The following GNG2 variants were observed in gnomAD, a reference collection of about 807,000 sequenced individuals.
The protein encoded by GNG2 is guanine nucleotide-binding protein G(I)/G(S)/G(O) subunit gamma-2.
In GNG2, 5 loss-of-function variants were observed where a neutral mutation model predicts 5.5. The observed-to-expected ratio is 0.91, with a 90% CI of 0.48 to 1.92. The LOEUF (loss-of-function observed/expected upper bound fraction) is 1.92, where lower values mean the gene tolerates loss of function less well. GNG2 is among the 30% of genes most tolerant of loss of function. The pLI, the probability that GNG2 is intolerant of heterozygous loss-of-function variation, is 0.01. For missense variants in GNG2, 55 were observed against 88.4 expected (o/e 0.62, Z 1.52); for synonymous variants, 28 against 32.0 (o/e 0.88, Z 0.42).
chr14:51,873,199 A>G (rs898550888), intron 1 of GNG2, among the ~76,000 whole-genome samples: 2 of 152,224 alleles, frequency 1.3e-5, no homozygotes, highest in African/African-American at 4.8e-5. Context: ...CAGTTATGAT[A>G]CTAGGCACAA....
intron 2 of GNG2, among the ~76,000 whole-genome samples, chr14:51,843,526 G>A (rs1881542587): frequency 6.6e-6 from 1 of 151,778 alleles, no homozygotes; most frequent in Non-Finnish European, 1.5e-5. Context: ...CATGGCATAT[G>A]TATACCTATG....
At chr14:51,882,791 C>T (rs750168013) in intron 2 of GNG2, among the ~76,000 whole-genome samples, 3 of 151,880 alleles carry the variant, frequency 2.0e-5, no homozygotes, top group Non-Finnish European at 4.4e-5. Flanking sequence ...AGGCGGATCA[C>T]GAGGTCAGGA....
chr14:51,966,809 C>G lies in GNG2; in HGVS notation c.*122C>G. ...AGAGCGAGGAGAACCATTCTGGAAA[C>G]TCTAGGCTATGCATGTTTAAAGATC... On this transcript the variant is annotated 3_prime_UTR_variant, in exon 4 of 4. Transcript: ENST00000556766. 1.2e-6 allele frequency: 1 copy of G among 813,542 alleles called. No individual in the cohort carries two copies. Among genetic ancestry groups the G allele is most frequent in the Non-Finnish European group, 2.0e-6 (1 of 494,592 alleles). The allele number at this position is 813,542 out of a possible 1,614,324, so 50.4% of individuals were successfully genotyped here. A position where few individuals can be genotyped will look rare whatever the true frequency, so the allele number is the denominator to read the frequency against.
At chr14:51,899,455 C>A (rs1885410508) in intron 2 of GNG2, among the ~76,000 whole-genome samples, 1 of 152,156 alleles carries the variant, frequency 6.6e-6, no homozygotes, top group Non-Finnish European at 1.5e-5. Flanking sequence ...GGTAAAATAC[C>A]TGTAGCATAA....
At chr14:51,871,130 T>C (rs1385598089) in intron 1 of GNG2, among the ~76,000 whole-genome samples, 1 of 152,178 alleles carries the variant, frequency 6.6e-6, no homozygotes, top group African/African-American at 2.4e-5. Flanking sequence ...AAGGCTTTAT[T>C]TGGGAGAATT....
chr14:51,887,559 A>G (rs1280502350), intron 2 of GNG2, among the ~76,000 whole-genome samples: 1 of 152,226 alleles, frequency 6.6e-6, no homozygotes, highest in East Asian at 1.9e-4. Flanking sequence ...GCTATCCTAA[A>G]GCATCAACCT....
chr14:51,847,875 CTTTT>C (rs1555348001), intron 2 of GNG2, among the ~76,000 whole-genome samples: 1 of 66,148 alleles, frequency 1.5e-5, no homozygotes, highest in African/African-American at 4.4e-5. Flanking sequence ...AATACAGGTC[CTTTT>C]TCTTTTTTTT....
intron 3 of GNG2, among the ~76,000 whole-genome samples, chr14:51,961,103 A>T (rs1009860324): frequency 6.6e-6 from 1 of 152,134 alleles, no homozygotes; most frequent in African/African-American, 2.4e-5. Context: ...TGTAGAATTT[A>T]TCTTATCTCC....
At chr14:51,902,163 A>T (rs1885610786) in intron 2 of GNG2, among the ~76,000 whole-genome samples, 1 of 152,092 alleles carries the variant, frequency 6.6e-6, no homozygotes, top group African/African-American at 2.4e-5. Flanking sequence ...TAATTATTAA[A>T]TATTTTTATT....
chr14:51,917,194 G>A, intron 2 of GNG2: 1 of 366,564 alleles, frequency 2.7e-6, no homozygotes, highest in South Asian at 2.0e-5. Flanking sequence ...TCTCATTTCT[G>A]AAATTTCTTC....
rs1380083858 is a variant in GNG2, at chr14:51,843,589, A to C, written c.64+15782A>C. Among the ~76,000 whole-genome samples the C allele has an allele frequency of 9.5e-4, 5 of 5,276 alleles. No homozygotes were observed. In the Non-Finnish European group the frequency reaches 0.033, roughly 35 times the overall value. 3.5% of individuals were successfully genotyped at this position (5,276 alleles called of 152,430 possible). A position where few individuals can be genotyped will look rare whatever the true frequency, so the allele number is the denominator to read the frequency against. On this transcript the variant is annotated intron_variant, in intron 2 of 3. Coordinates refer to the GNG2 transcript ENST00000553432. ...CAGAACTTAAAGTTAAAAAAAAAAA[A>C]AACTCAAATATTTTGAGTGTGTCCA... is the stretch of plus-strand genomic sequence containing the variant.
intron 2 of GNG2, among the ~76,000 whole-genome samples, chr14:51,941,400 G>A (rs1416508270): frequency 6.6e-6 from 1 of 152,190 alleles, no homozygotes; most frequent in African/African-American, 2.4e-5. Context: ...CCTCCAATTT[G>A]TATTCTAGAC....
chr14:51,881,970 G>A lies in GNG2; in HGVS notation c.-30+4313G>A, dbSNP rs539152195. ...TCCTGGTTTCATTTTGCTAAGACTC[G>A]CCTCATTTCAGCTTCAAATCTTTAC... is the stretch of plus-strand genomic sequence containing the variant. On this transcript the variant is annotated intron_variant, in intron 2 of 3. Coordinates refer to ENST00000556766, the MANE Select transcript of GNG2 (RefSeq NM_053064.5). Among the ~76,000 whole-genome samples the A allele has an allele frequency of 2.9e-3, 440 of 151,970 alleles. 2 individuals carry two copies. The highest frequency in any genetic ancestry group is 9.6e-3 in the African/African-American group (398 of 41,422).
intron 2 of GNG2, among the ~76,000 whole-genome samples, chr14:51,832,864 C>T (rs2140071558): frequency 6.6e-6 from 1 of 152,302 alleles, no homozygotes; most frequent in Non-Finnish European, 1.5e-5. Context: ...GGGTTTTAGA[C>T]ACAGAGCATA....
chr14:51,902,466 G>A (rs539540072), intron 2 of GNG2, among the ~76,000 whole-genome samples: 1 of 152,292 alleles, frequency 6.6e-6, no homozygotes, highest in East Asian at 1.9e-4. Flanking sequence ...TGCCTAGTAG[G>A]AGCTTGATAA....
chr14:51,887,925 T>G (rs550950500), intron 2 of GNG2, among the ~76,000 whole-genome samples: 1 of 152,346 alleles, frequency 6.6e-6, no homozygotes, highest in South Asian at 2.1e-4. Context: ...TTTAAAAAGC[T>G]GCACATATTT....
intron 2 of GNG2, among the ~76,000 whole-genome samples, chr14:51,943,200 G>A (rs1282712827): frequency 6.6e-6 from 1 of 152,188 alleles, no homozygotes; most frequent in Non-Finnish European, 1.5e-5. Context: ...CCGATGGGGT[G>A]AGGGGGAGTA....
At chr14:51,857,373 T>C (rs1027467183), upstream of GNG2, among the ~76,000 whole-genome samples, 1 of 151,914 alleles carries the variant, frequency 6.6e-6, no homozygotes, top group Admixed American at 6.6e-5. Context: ...GTTGTGAAGG[T>C]TGTAGGATAT....
At chr14:51,842,879 G>T (rs1881520875) in intron 2 of GNG2, among the ~76,000 whole-genome samples, 1 of 152,040 alleles carries the variant, frequency 6.6e-6, no homozygotes, top group Non-Finnish European at 1.5e-5. Flanking sequence ...TGTCTAGGCT[G>T]GTCCCGAACT....
Sources: gnomAD v4.1 joint callset for allele counts (sites outside exome capture counted in the v4.1 genomes callset) on GRCh38, gnomAD v4.1.1 for gene constraint, MANE v1.5 for transcripts, NCBI Gene and HGNC (gene_info 2026-07-23, HGNC 2026-07-21) for gene names.